Variants in SV2C observed in about 807,000 individuals in gnomAD.
SV2C encodes synaptic vesicle glycoprotein 2C.
A neutral mutation model predicts 79.7 loss-of-function variants in SV2C; 49 were observed. The ratio of observed to expected loss-of-function variants is 0.61; its 90% confidence interval spans 0.49 to 0.78. The LOEUF is 0.78. Ranked by LOEUF, SV2C falls within the 30% of genes least tolerant of loss-of-function variation. The pLI is 0.00. For missense variants in SV2C, 833 were observed against 912.9 expected (o/e 0.91, Z 1.13); for synonymous variants, 334 against 333.2 (o/e 1.00, Z -0.03).
intron 2 of SV2C, among the ~76,000 whole-genome samples, chr5:76,174,891 A>G (rs1443003077): frequency 6.6e-6 from 1 of 152,226 alleles, no homozygotes; most frequent in African/African-American, 2.4e-5. Flanking sequence ...CCTCTTGGCC[A>G]GCACAAGTGC....
the SV2C span, among the ~76,000 whole-genome samples, chr5:75,950,961 G>A: frequency 6.6e-6 from 1 of 151,852 alleles, no homozygotes; most frequent in African/African-American, 2.4e-5. Flanking sequence ...TTAAAATGAG[G>A]GAAATTAGTA....
At chr5:75,942,782 A>G in the SV2C span, among the ~76,000 whole-genome samples, 2 of 152,148 alleles carry the variant, frequency 1.3e-5, no homozygotes, top group African/African-American at 2.4e-5. Context: ...TAGTTTATCA[A>G]TTTACTGTTA....
the SV2C span, among the ~76,000 whole-genome samples, chr5:76,028,495 C>T: frequency 6.6e-6 from 1 of 151,988 alleles, no homozygotes; most frequent in Non-Finnish European, 1.5e-5. Context: ...ATGTCGTGTC[C>T]CTGGAAGTTT....
chr5:75,890,448 G>A, the SV2C span, among the ~76,000 whole-genome samples: 1 of 151,994 alleles, frequency 6.6e-6, no homozygotes, highest in African/African-American at 2.4e-5. Context: ...CTTCAAAGGT[G>A]GTGCTTACCT....
At chr5:76,088,914 G>A (rs1747286406) in intron 1 of SV2C, among the ~76,000 whole-genome samples, 1 of 152,058 alleles carries the variant, frequency 6.6e-6, no homozygotes, top group Non-Finnish European at 1.5e-5. Flanking sequence ...TTGCTGATTT[G>A]TCCTTCGTGT....
At chr5:76,312,894 T>A (rs1483607454) in intron 12 of SV2C, among the ~76,000 whole-genome samples, 1 of 152,246 alleles carries the variant, frequency 6.6e-6, no homozygotes, top group East Asian at 1.9e-4. Context: ...CTTGATGAGC[T>A]AAAATCAAAA....
intron 4 of SV2C, among the ~76,000 whole-genome samples, chr5:76,211,503 T>C (rs998268699): frequency 6.7e-6 from 1 of 150,006 alleles, no homozygotes; most frequent in Non-Finnish European, 1.5e-5. Flanking sequence ...TGTGTGTACA[T>C]GCACACACAC....
At chr5:76,016,359 C>G in the SV2C span, among the ~76,000 whole-genome samples, 1 of 150,598 alleles carries the variant, frequency 6.6e-6, no homozygotes, top group Non-Finnish European at 1.5e-5. Context: ...CTGATGGACT[C>G]TACCTGGGTC....
intron 12 of SV2C, among the ~76,000 whole-genome samples, chr5:76,340,113 C>T (rs910879592): frequency 5.9e-5 from 9 of 152,164 alleles, no homozygotes; most frequent in Non-Finnish European, 1.2e-4. Flanking sequence ...AAAGACACTC[C>T]CTCCAGCGCC....
chr5:75,879,421 T>A, the SV2C span, among the ~76,000 whole-genome samples: 2 of 152,090 alleles, frequency 1.3e-5, no homozygotes, highest in African/African-American at 2.4e-5. Flanking sequence ...ACATACTTGT[T>A]CCAAAAGAGA....
chr5:76,038,210 ATTC>A, the SV2C span, among the ~76,000 whole-genome samples: 2 of 152,208 alleles, frequency 1.3e-5, no homozygotes, highest in African/African-American at 4.8e-5. Context: ...CTTCTTATTT[ATTC>A]TTCTTCCAGC....
At chr5:76,107,158 T>C (rs1168631962) in intron 1 of SV2C, among the ~76,000 whole-genome samples, 6 of 152,188 alleles carry the variant, frequency 3.9e-5, no homozygotes, top group Non-Finnish European at 7.4e-5. Context: ...ATTAGACTTC[T>C]CAAGAAAATC....
chr5:76,193,334 T>C (rs528788579), intron 2 of SV2C, among the ~76,000 whole-genome samples: 1 of 152,152 alleles, frequency 6.6e-6, no homozygotes, highest in African/African-American at 2.4e-5. Context: ...CAGAAAGCAG[T>C]GGATGGTGAT....
the SV2C span, among the ~76,000 whole-genome samples, chr5:76,017,320 T>C: frequency 6.6e-6 from 1 of 152,172 alleles, no homozygotes; most frequent in Non-Finnish European, 1.5e-5. Flanking sequence ...GGAGTCTTGC[T>C]CTGTCGCCCA....
intron 10 of SV2C, 34 bp from the exon 11 acceptor site, chr5:76,300,695 G>A: frequency 6.2e-7 from 1 of 1,602,806 alleles, no homozygotes; most frequent in Non-Finnish European, 8.5e-7. Context: ...CCTGGTAAGA[G>A]CTTGATGAAT....
At chr5:76,075,655 G>T in the SV2C span, 1 of 295,340 alleles carries the variant, frequency 3.4e-6, no homozygotes, top group Non-Finnish European at 7.0e-6. Flanking sequence ...CACTTAGATG[G>T]ATGCAACCTT....
intron 4 of SV2C, among the ~76,000 whole-genome samples, chr5:76,267,627 G>A (rs1056834827): frequency 6.6e-6 from 1 of 152,232 alleles, no homozygotes; most frequent in Non-Finnish European, 1.5e-5. Flanking sequence ...GATACATGCT[G>A]GGAGAGTGGT....
chr5:75,973,581 A>G, the SV2C span, among the ~76,000 whole-genome samples: 1 of 152,028 alleles, frequency 6.6e-6, no homozygotes, highest in Non-Finnish European at 1.5e-5. Context: ...AAGATAGACG[A>G]GGGGAGATTG....
chr5:76,070,946 C>A, the SV2C span, among the ~76,000 whole-genome samples: 1 of 152,196 alleles, frequency 6.6e-6, no homozygotes, highest in African/African-American at 2.4e-5. Context: ...CTTCTGGATG[C>A]AGGAGTTGCA....
Sources: allele counts gnomAD v4.1 joint callset (sites outside exome capture counted in the v4.1 genomes callset), GRCh38; gene constraint gnomAD v4.1.1; transcripts MANE v1.5; gene names NCBI Gene and HGNC (gene_info 2026-07-23, HGNC 2026-07-21).